NSUN2: variants seen among roughly 807,000 people sequenced by gnomAD.
NSUN2 encodes the protein NOP2/Sun RNA methyltransferase 2.
Under a neutral mutation model 92.7 loss-of-function variants are expected in NSUN2, and 63 were observed. That is an observed-to-expected ratio of 0.68 (90% confidence interval 0.56 to 0.84). The LOEUF (loss-of-function observed/expected upper bound fraction) is 0.84, where lower values mean the gene tolerates loss of function less well. Among genes scored for constraint, NSUN2 ranks in the 40% least tolerant of loss-of-function variants. NSUN2 has a pLI of 0.00. For missense variants in NSUN2, 989 were observed against 964.9 expected, an observed-to-expected ratio of 1.02 and a Z score of -0.33; for synonymous variants, 356 against 348.3, an observed-to-expected ratio of 1.02 and a Z score of -0.25.
In NSUN2 at chr5:6,632,707, T is replaced by G; in HGVS notation, c.146A>C (p.Glu49Ala). The G allele has an allele frequency of 6.2e-7, 1 of 1,613,948 alleles. No individual in the cohort carries two copies. Among genetic ancestry groups the G allele is most frequent in the African/African-American group, 1.3e-5 (1 of 74,980 alleles). The change falls in exon 2 of 19, where the codon GAG becomes GCG. Residue 49 changes from glutamate to alanine, a missense_variant. Coordinates refer to ENST00000264670, the MANE Select transcript of NSUN2 (RefSeq NM_017755.6). ...GATCTTGAGCTCCTGGTAGTAGTGC[T>G]CGAACAGCTTGTTCTCCTTGACGAT... ...PEIVKENKLF[E>A]HYYQELKIVP... is the part of the protein sequence containing the mutation.
At chr5:6,629,737 G>A (rs1003064623) in intron 3 of NSUN2, among the ~76,000 whole-genome samples, 20 of 152,274 alleles carry the variant, frequency 1.3e-4, no homozygotes, top group East Asian at 1.2e-3. Context: ...AGGGCAGGAC[G>A]AGGTGGAGAT....
rs1247114878 is a variant in NSUN2, at chr5:6,609,930, T to C, written c.1227-8A>G. 2.6e-6 allele frequency: 4 copies of C among 1,567,536 alleles called. No individual in the cohort carries two copies. Among genetic ancestry groups the C allele is most frequent in the South Asian group, 2.3e-5 (2 of 88,222 alleles). On this transcript the variant is annotated splice_region_variant and splice_polypyrimidine_tract_variant and intron_variant, in intron 11 of 18. Coordinates refer to ENST00000264670, the MANE Select transcript of NSUN2 (RefSeq NM_017755.6). The stretch of plus-strand genomic sequence containing the variant: ...TGGGGTAATATCCTAAGGCTAAATA[T>C]ATATATATAATTCACACCTCTGAAC...
chr5:6,632,556 A>T, intron 2 of NSUN2, 43 bp downstream of exon 2: 1 of 1,607,266 alleles, frequency 6.2e-7, no homozygotes, highest in Non-Finnish European at 8.5e-7. Context: ...AACCTCCAGC[A>T]TCCTGGCCCC....
Position 6,632,735 on chromosome 5 carries a change from C to T in NSUN2, c.118G>A (p.Glu40Lys), listed in dbSNP as rs758522604. The T allele has an allele frequency of 3.7e-6, 6 of 1,613,922 alleles. No homozygotes were observed. Among genetic ancestry groups the T allele is most frequent in the South Asian group, 1.1e-5 (1 of 91,082 alleles). ...GEAGWEGGYPEIVKENKLFEH... is the reference protein window; with the variant it reads ...GEAGWEGGYPKIVKENKLFEH... Reference sequence around the variant, plus strand: ...AACAGCTTGTTCTCCTTGACGATCTCGGGGTAGCCTCCTTCCCAGCCCTGA... The same window carrying T: ...AACAGCTTGTTCTCCTTGACGATCTTGGGGTAGCCTCCTTCCCAGCCCTGA... The change falls in exon 2 of 19, where the codon GAG becomes AAG. Residue 40 changes from glutamate to lysine, a missense_variant. Glu to Lys is a moderately conservative substitution (Grantham distance 56). Coordinates refer to ENST00000264670, the MANE Select transcript of NSUN2 (RefSeq NM_017755.6).
At chr5:6,615,486 G>A (rs950555348) in intron 9 of NSUN2, among the ~76,000 whole-genome samples, 8 of 152,180 alleles carry the variant, frequency 5.3e-5, no homozygotes, top group African/African-American at 1.4e-4. Context: ...TTGGAATAAA[G>A]TATCACCAAC....
At chr5:6,600,375 A>G in intron 18 of NSUN2, 143 bp from the exon 19 acceptor site, 1 of 731,972 alleles carries the variant, frequency 1.4e-6, no homozygotes. Flanking sequence ...AGGACATTTC[A>G]TCTGGATCCG....
At position 6,607,180 on chromosome 5, in the gene NSUN2, G is replaced by C; in HGVS notation, c.1508+20C>G. ...TGAAGACACCAGCGTATTAGATCAA[G>C]ACATAACCACTTTTCTTACCCACAC... On this transcript the variant is annotated intron_variant, in intron 13 of 18. Transcript: ENST00000264670. 1 of 1,612,368 alleles carries C rather than the reference G, an allele frequency of 6.2e-7. No homozygotes were observed. The highest frequency in any genetic ancestry group is 8.5e-7 in the Non-Finnish European group (1 of 1,178,578).
chr5:6,606,824 T>C lies in NSUN2; in HGVS notation c.1597A>G (p.Ile533Val), dbSNP rs151114599. 3 of 1,532,450 alleles carry C rather than the reference T, an allele frequency of 2.0e-6. 1 individual carries two copies. Among genetic ancestry groups the C allele is most frequent in the Admixed American group, 1.7e-5 (1 of 59,120 alleles). 94.9% of individuals were successfully genotyped at this position (1,532,450 alleles called of 1,614,324 possible). A position where few individuals can be genotyped will look rare whatever the true frequency, so the allele number is the denominator to read the frequency against. ...TTAAAAAGGCTGAATCCTTACTCAA[T>C]AGGTGGAAATAATGGGTCATCTTCA... is the stretch of plus-strand genomic sequence containing the variant. ...IPEDDPLFPP[I>V]EKFYALDPSF... is the part of the protein sequence containing the mutation. The change falls in exon 14 of 19, where the codon ATT becomes GTT. Residue 533 changes from isoleucine (I) to valine (V), a missense_variant. Physicochemically the swap from Ile to Val is conservative, Grantham distance 29. This residue lies in a region of NSUN2 where 626 missense variants were observed against 602.3 expected (regional missense o/e 1.04). Coordinates refer to ENST00000264670, the MANE Select transcript of NSUN2 (RefSeq NM_017755.6).
At chr5:6,611,645 C>G (rs186910334) in intron 10 of NSUN2, 80 bp downstream of exon 10, 47 of 1,165,904 alleles carry the variant, frequency 4.0e-5, no homozygotes, top group Middle Eastern at 3.8e-4. Context: ...GTTACTCACA[C>G]GTGAATGCTT....
At chr5:6,618,183 G>A (rs954602631) in intron 7 of NSUN2, among the ~76,000 whole-genome samples, 159 bp from the exon 8 acceptor site, 1 of 152,162 alleles carries the variant, frequency 6.6e-6, no homozygotes, top group Non-Finnish European at 1.5e-5. Flanking sequence ...TTCAGCTTTT[G>A]TTTTAGGGAT....
intron 9 of NSUN2, among the ~76,000 whole-genome samples, chr5:6,614,433 G>A (rs956467463): frequency 6.6e-6 from 1 of 151,990 alleles, no homozygotes; most frequent in Non-Finnish European, 1.5e-5. Flanking sequence ...TCACTCCCCC[G>A]TGCCTGGGTC....
chr5:6,629,281 G>C (rs893836718), intron 3 of NSUN2, among the ~76,000 whole-genome samples: 2 of 152,190 alleles, frequency 1.3e-5, no homozygotes. Flanking sequence ...TGTTAAACAA[G>C]GTGGAAAAGC....
At chr5:6,620,447 T>A (rs1189840258) in intron 6 of NSUN2, 149 bp from the exon 7 acceptor site, 11 of 551,660 alleles carry the variant, frequency 2.0e-5, no homozygotes, top group Non-Finnish European at 3.0e-5. Context: ...TTACGTTAAG[T>A]GGTTCAAAAA....
At position 6,611,252 on chromosome 5, in the gene NSUN2, A is replaced by G. The variant is rs117982679; in HGVS notation, c.1096-167T>C. On this transcript the variant is annotated intron_variant, in intron 10 of 18. Transcript: ENST00000264670. ...CAAAACAAAACAATCTTTACAGAAA[A>G]TCCCCAAATTATTAATACATAAATT... Among the ~76,000 whole-genome samples the G allele has an allele frequency of 3.1e-4, 47 of 152,318 alleles. No individual in the cohort carries two copies. The East Asian group carries it at 8.9e-3, about 29-fold the overall frequency.
At chr5:6,614,368 CTCACAA>C (rs1158997985) in intron 9 of NSUN2, among the ~76,000 whole-genome samples, 1 of 152,184 alleles carries the variant, frequency 6.6e-6, no homozygotes, top group East Asian at 1.9e-4. Context: ...CTCATCCCTC[CTCACAA>C]TCCTGATCAC....
chr5:6,602,970 G>A (rs937982675), intron 17 of NSUN2, among the ~76,000 whole-genome samples: 1 of 152,204 alleles, frequency 6.6e-6, no homozygotes, highest in Non-Finnish European at 1.5e-5. Flanking sequence ...ACTTTAAATT[G>A]TGGTTCTTGC....
At position 6,600,115 on chromosome 5, in the gene NSUN2, C is replaced by A. The variant is rs757252698; in HGVS notation, c.2115G>T (p.Glu705Asp). 6.2e-7 allele frequency: 1 copy of A among 1,614,060 alleles called. No homozygotes were observed. The highest frequency in any genetic ancestry group is 8.5e-7 in the Non-Finnish European group (1 of 1,180,024). Residue 705 changes from glutamate (E) to aspartate (D), a missense_variant, in exon 19 of 19, where the codon GAG becomes GAT. Glu to Asp is a conservative substitution (Grantham distance 45). Around this residue, in one of 3 missense-constraint regions of NSUN2, gnomAD observed 626 missense variants for 602.3 expected, o/e 1.04. Transcript: ENST00000264670. ...CTTCCTTCTTCTTTTCTCCCAATAC[C>A]TCCAGCCCCATCATCCTGAGATAAT... ...RLHYLRMMGL[E>D]VLGEKKKEGV...
chr5:6,615,636 G>A (rs1737181942), intron 9 of NSUN2, among the ~76,000 whole-genome samples: 1 of 152,282 alleles, frequency 6.6e-6, no homozygotes, highest in East Asian at 1.9e-4. Context: ...CCGCAGGGCT[G>A]AGGGCACAAC....
chr5:6,607,629 C>T (rs1736829705), intron 12 of NSUN2, among the ~76,000 whole-genome samples: 1 of 152,160 alleles, frequency 6.6e-6, no homozygotes, highest in Non-Finnish European at 1.5e-5. Flanking sequence ...AGAGCATATA[C>T]AGCCTGTTCC....
Sources: allele counts gnomAD v4.1 joint callset (sites outside exome capture counted in the v4.1 genomes callset), GRCh38; gene constraint gnomAD v4.1.1; regional missense constraint gnomAD v4.1.1; transcripts MANE v1.5; gene names NCBI Gene and HGNC (gene_info 2026-07-23, HGNC 2026-07-21).